PPARGC1A: variants seen among roughly 807,000 people sequenced by gnomAD.
PPARGC1A encodes the protein PPARG coactivator 1 alpha.
A neutral mutation model predicts 88.7 loss-of-function variants in PPARGC1A; 25 were observed. The ratio of observed to expected loss-of-function variants is 0.28; its 90% CI spans 0.21 to 0.39. The LOEUF is 0.39. Ranked by LOEUF, PPARGC1A falls within the 10% of genes least tolerant of loss-of-function variation. PPARGC1A has a pLI of 1.00. For missense variants in PPARGC1A, 880 were observed against 968.7 expected (o/e 0.91, Z 1.22); for synonymous variants, 363 against 355.6 (o/e 1.02, Z -0.24).
chr4:24,347,906 G>T, the PPARGC1A span, among the ~76,000 whole-genome samples: 1 of 152,042 alleles, frequency 6.6e-6, no homozygotes, highest in African/African-American at 2.4e-5. Context: ...CTTTAAAGAG[G>T]TTCTGTTTTG....
At chr4:24,287,386 T>G in the PPARGC1A span, among the ~76,000 whole-genome samples, 1 of 152,150 alleles carries the variant, frequency 6.6e-6, no homozygotes, top group Non-Finnish European at 1.5e-5. Context: ...TTTTATAAGA[T>G]AATCAACTTC....
At chr4:24,205,434 T>C in the PPARGC1A span, among the ~76,000 whole-genome samples, 1 of 152,082 alleles carries the variant, frequency 6.6e-6, no homozygotes, top group East Asian at 1.9e-4. Context: ...AAGACAAAAT[T>C]AGCCAGAACC....
At chr4:24,255,590 C>T in the PPARGC1A span, among the ~76,000 whole-genome samples, 32 of 152,292 alleles carry the variant, frequency 2.1e-4, no homozygotes, top group African/African-American at 7.5e-4. Flanking sequence ...CAGTGGGAAC[C>T]CTCCTTGCTG....
chr4:24,189,076 C>T, the PPARGC1A span, among the ~76,000 whole-genome samples: 3 of 152,150 alleles, frequency 2.0e-5, no homozygotes, highest in African/African-American at 7.2e-5. Flanking sequence ...ATTCCACTTA[C>T]GCAAGCTACT....
At chr4:24,219,536 G>C in the PPARGC1A span, among the ~76,000 whole-genome samples, 1 of 152,178 alleles carries the variant, frequency 6.6e-6, no homozygotes, top group South Asian at 2.1e-4. Flanking sequence ...CCTCAGGGGA[G>C]GCGTCCTGCT....
At chr4:24,434,500 A>G in the PPARGC1A span, among the ~76,000 whole-genome samples, 1 of 152,190 alleles carries the variant, frequency 6.6e-6, no homozygotes, top group African/African-American at 2.4e-5. Flanking sequence ...GGACTCAGTG[A>G]AAGTTTCCAG....
chr4:24,343,109 A>C, the PPARGC1A span, among the ~76,000 whole-genome samples: 201 of 152,252 alleles, frequency 1.3e-3, 1 homozygote, highest in African/African-American at 4.6e-3. Flanking sequence ...AAAAACCACC[A>C]CTGAAACACT....
At chr4:24,432,289 G>C in the PPARGC1A span, among the ~76,000 whole-genome samples, 1 of 152,184 alleles carries the variant, frequency 6.6e-6, no homozygotes, top group Admixed American at 6.5e-5. Flanking sequence ...GAGAAGATGT[G>C]CCTGCCATGG....
At chr4:23,807,276 G>A (rs528398401) in intron 10 of PPARGC1A, among the ~76,000 whole-genome samples, 8 of 152,158 alleles carry the variant, frequency 5.3e-5, no homozygotes, top group East Asian at 1.9e-4. Context: ...CTTTCTTGCC[G>A]TTAATATTGA....
the PPARGC1A span, among the ~76,000 whole-genome samples, chr4:24,305,889 T>C: frequency 2.0e-5 from 3 of 152,170 alleles, no homozygotes; most frequent in Non-Finnish European, 4.4e-5. Context: ...AGTTTCACAA[T>C]CCCACAGGTA....
At chr4:23,909,321 T>C in the PPARGC1A span, among the ~76,000 whole-genome samples, 2 of 152,272 alleles carry the variant, frequency 1.3e-5, no homozygotes, top group East Asian at 3.9e-4. Context: ...AATAGTCTTT[T>C]AAGGAAAAAT....
the PPARGC1A span, among the ~76,000 whole-genome samples, chr4:24,149,620 G>A: frequency 6.6e-6 from 1 of 152,128 alleles, no homozygotes; most frequent in African/African-American, 2.4e-5. Context: ...TGTGCAGTTT[G>A]TAAGAGCTCA....
At chr4:23,837,279 G>A (rs1726186349) in intron 2 of PPARGC1A, among the ~76,000 whole-genome samples, 1 of 151,776 alleles carries the variant, frequency 6.6e-6, no homozygotes, top group African/African-American at 2.4e-5. Flanking sequence ...ATCAATCTGT[G>A]TGAGAGGTGA....
At chr4:23,889,357 G>A in intron 1 of PPARGC1A, 3 of 985,280 alleles carry the variant, frequency 3.0e-6, no homozygotes, top group Non-Finnish European at 3.6e-6. Context: ...CAGCATCGTT[G>A]TTTTGTGTTC....
At chr4:24,244,574 G>A in the PPARGC1A span, among the ~76,000 whole-genome samples, 1 of 152,154 alleles carries the variant, frequency 6.6e-6, no homozygotes, top group Non-Finnish European at 1.5e-5. Flanking sequence ...CATGTGTACA[G>A]TCTCAAGGAG....
At chr4:23,912,594 T>G in the PPARGC1A span, among the ~76,000 whole-genome samples, 1 of 152,084 alleles carries the variant, frequency 6.6e-6, no homozygotes, top group Admixed American at 6.6e-5. Context: ...TCCAGTCAGT[T>G]GAAGGCCTTA....
At chr4:24,243,308 G>A in the PPARGC1A span, among the ~76,000 whole-genome samples, 1 of 152,112 alleles carries the variant, frequency 6.6e-6, no homozygotes, top group Non-Finnish European at 1.5e-5. Flanking sequence ...AAGAATATTA[G>A]GTGCAGATAT....
At chr4:23,944,116 T>A in the PPARGC1A span, among the ~76,000 whole-genome samples, 242 of 152,296 alleles carry the variant, frequency 1.6e-3, no homozygotes, top group African/African-American at 5.4e-3. Flanking sequence ...TAGTCATATA[T>A]CAATATTGGT....
At chr4:24,305,094 T>TG in the PPARGC1A span, among the ~76,000 whole-genome samples, 1 of 149,942 alleles carries the variant, frequency 6.7e-6, no homozygotes, top group East Asian at 2.0e-4. Context: ...GGTGGTTGTT[T>TG]GGGGCACTGT....
Sources: allele counts gnomAD v4.1 joint callset (sites outside exome capture counted in the v4.1 genomes callset), GRCh38; gene constraint gnomAD v4.1.1; transcripts MANE v1.5; gene names NCBI Gene and HGNC (gene_info 2026-07-23, HGNC 2026-07-21).